The following DLG2 variants were observed in gnomAD, a reference collection of about 807,000 sequenced individuals.
The protein encoded by DLG2 is disks large homolog 2.
Under a neutral mutation model 132.5 loss-of-function variants are expected in DLG2, and 45 were observed. That is an observed-to-expected ratio of 0.34 (90% CI 0.27 to 0.44). The LOEUF (loss-of-function observed/expected upper bound fraction) is 0.44. Ranked by LOEUF, DLG2 falls within the 20% of genes least tolerant of loss-of-function variation. DLG2 has a pLI of 1.00. For synonymous variants in DLG2, 424 were observed against 419.6 expected, an observed-to-expected ratio of 1.01 and a Z score of -0.13; for missense variants, 1,045 against 1,196.9, an observed-to-expected ratio of 0.87 and a Z score of 1.87.
At position 85,010,787 on chromosome 11, in the gene DLG2, A is replaced by G. The variant is rs143119208; in HGVS notation, c.357+100874T>C. Reference sequence around the variant, plus strand: ...CAAAATAATTTAAAGTTGCATTGAAAGAAAAAAAAGATGCTAATTGCTTTT... The same window carrying G: ...CAAAATAATTTAAAGTTGCATTGAAGGAAAAAAAAGATGCTAATTGCTTTT... On this transcript the variant is annotated intron_variant, in intron 6 of 27. Coordinates refer to ENST00000376104, the MANE Select transcript of DLG2 (RefSeq NM_001142699.3). Among the ~76,000 whole-genome samples, 254 of 152,260 alleles carry G rather than the reference A, an allele frequency of 1.7e-3. 3 individuals are homozygous for G. The highest frequency in any genetic ancestry group is 5.9e-3 in the African/African-American group (246 of 41,562).
At chr11:84,026,102 A>T (rs1019778115) in intron 11 of DLG2, among the ~76,000 whole-genome samples, 2 of 152,126 alleles carry the variant, frequency 1.3e-5, no homozygotes, top group Non-Finnish European at 2.9e-5. Context: ...GAGTCCTAGC[A>T]AGAGAAGTTA....
chr11:83,798,389 A>C (rs1302402176), intron 17 of DLG2, among the ~76,000 whole-genome samples: 1 of 152,250 alleles, frequency 6.6e-6, no homozygotes, highest in Non-Finnish European at 1.5e-5. Context: ...TACTTACTAA[A>C]TAGTTGCTAT....
At chr11:84,843,027 T>C (rs2154010510) in intron 6 of DLG2, among the ~76,000 whole-genome samples, 1 of 152,106 alleles carries the variant, frequency 6.6e-6, no homozygotes, top group East Asian at 1.9e-4. Context: ...GTTTAAGTTA[T>C]GAAATGTGAA....
intron 6 of DLG2, among the ~76,000 whole-genome samples, chr11:84,885,867 A>G (rs1271895830): frequency 6.6e-6 from 1 of 152,064 alleles, no homozygotes; most frequent in African/African-American, 2.4e-5. Flanking sequence ...ACTGCAAGAT[A>G]ACTCAATAAT....
intron 7 of DLG2, among the ~76,000 whole-genome samples, chr11:84,390,679 T>C (rs2098789599): frequency 1.3e-5 from 2 of 152,184 alleles, no homozygotes; most frequent in South Asian, 2.1e-4. Flanking sequence ...TCTTAGAGGC[T>C]GTGAGAAAGA....
chr11:84,059,178 C>CA (rs1353482201), intron 11 of DLG2, 137 bp downstream of exon 11: 11 of 733,720 alleles, frequency 1.5e-5, no homozygotes, highest in African/African-American at 3.7e-5. Context: ...CCTTTGTAAC[C>CA]ACTACTGTAG....
chr11:84,800,892 A>G (rs1243859414), intron 6 of DLG2, among the ~76,000 whole-genome samples: 2 of 152,218 alleles, frequency 1.3e-5, no homozygotes, highest in African/African-American at 4.8e-5. Context: ...AAATTTACAA[A>G]TAACATGATT....
At chr11:85,507,776 C>G (rs996719416) in intron 3 of DLG2, among the ~76,000 whole-genome samples, 1 of 152,122 alleles carries the variant, frequency 6.6e-6, no homozygotes, top group Non-Finnish European at 1.5e-5. Context: ...CTGGGAAGTT[C>G]TCCTGGATAC....
chr11:84,247,211 T>C (rs2154347663), intron 8 of DLG2, among the ~76,000 whole-genome samples: 1 of 152,320 alleles, frequency 6.6e-6, no homozygotes, highest in African/African-American at 2.4e-5. Flanking sequence ...GTTAGGGTGC[T>C]GTTCAATATT....
intron 6 of DLG2, among the ~76,000 whole-genome samples, chr11:84,679,429 T>A (rs1478513921): frequency 6.6e-6 from 1 of 151,988 alleles, no homozygotes; most frequent in East Asian, 1.9e-4. Context: ...TTTTTAGGGT[T>A]CAAAATGAAA....
chr11:85,141,353 T>C (rs576681418), intron 5 of DLG2, among the ~76,000 whole-genome samples: 1 of 152,040 alleles, frequency 6.6e-6, no homozygotes, highest in Admixed American at 6.6e-5. Context: ...CTATTGGCTA[T>C]TTACACATCT....
chr11:84,232,300 A>G (rs1450208138), intron 8 of DLG2, among the ~76,000 whole-genome samples: 4 of 152,104 alleles, frequency 2.6e-5, no homozygotes, highest in Non-Finnish European at 1.5e-5. Context: ...CTACTTTGAC[A>G]AGAATGAAAG....
chr11:85,561,331 CAAAAAAAAAAAAAAAAAAAAAAAA>C (rs1162562595), intron 3 of DLG2, among the ~76,000 whole-genome samples: 6 of 12,502 alleles, frequency 4.8e-4, no homozygotes, highest in Non-Finnish European at 9.5e-4. Context: ...GACCCTATCT[CAAAAAAAAAAAAAAAAAAAAAAAA>C]AAAAAAAAAA....
intron 18 of DLG2, among the ~76,000 whole-genome samples, chr11:83,751,087 G>A: frequency 6.6e-6 from 1 of 152,218 alleles, no homozygotes; most frequent in African/African-American, 2.4e-5. Context: ...ACAAAGCAGA[G>A]AAGTGGGATA....
chr11:85,167,452 A>G (rs1383189045), intron 4 of DLG2, among the ~76,000 whole-genome samples: 1 of 152,176 alleles, frequency 6.6e-6, no homozygotes, highest in African/African-American at 2.4e-5. Context: ...AGAAAACAGC[A>G]GAATCAGGAA....
At chr11:85,431,255 AC>A (rs1421701932) in intron 3 of DLG2, among the ~76,000 whole-genome samples, 2 of 152,164 alleles carry the variant, frequency 1.3e-5, no homozygotes, top group Non-Finnish European at 2.9e-5. Flanking sequence ...AGCTAGGGTG[AC>A]CCACAGAGAG....
intron 3 of DLG2, among the ~76,000 whole-genome samples, chr11:85,582,343 GTGAGA>G (rs2078579866): frequency 2.6e-5 from 4 of 152,182 alleles, no homozygotes; most frequent in Admixed American, 2.6e-4. Flanking sequence ...ACGTTTTAAA[GTGAGA>G]TGTTAGAGCC....
chr11:84,822,088 T>C (rs2077767160), intron 6 of DLG2, among the ~76,000 whole-genome samples: 1 of 148,000 alleles, frequency 6.8e-6, no homozygotes, highest in South Asian at 2.1e-4. Context: ...TGGTAAATAA[T>C]ATCCTTTGCC....
chr11:85,473,688 T>C (rs2093055338), intron 3 of DLG2, among the ~76,000 whole-genome samples: 1 of 151,922 alleles, frequency 6.6e-6, no homozygotes, highest in Admixed American at 6.6e-5. Context: ...GAAAAAGTAT[T>C]CTACAGTTCA....
Sources: allele counts gnomAD v4.1 joint callset (sites outside exome capture counted in the v4.1 genomes callset), GRCh38; gene constraint gnomAD v4.1.1; transcripts MANE v1.5; gene names NCBI Gene and HGNC (gene_info 2026-07-23, HGNC 2026-07-21).